Variants in PDE10A observed in about 807,000 individuals in gnomAD.
PDE10A encodes cAMP and cAMP-inhibited cGMP 3',5'-cyclic phosphodiesterase 10A.
PDE10A carries 39 observed loss-of-function variants against 97.7 expected under a neutral mutation model. That is an observed-to-expected ratio of 0.40 (90% CI 0.31 to 0.52). The LOEUF is 0.52. Among genes scored for constraint, PDE10A ranks in the 20% least tolerant of loss-of-function variants. The pLI is 0.56. For synonymous variants in PDE10A, 371 were observed against 376.8 expected (o/e 0.98, Z 0.18); for missense variants, 731 against 1,047.8 (o/e 0.70, Z 4.17).
In PDE10A at chr6:165,711,364, G is replaced by A. The variant is rs928423483; in HGVS notation, c.-614-167796C>T. Among the ~76,000 whole-genome samples, 2 of 152,162 alleles carry A rather than the reference G, an allele frequency of 1.3e-5. No individual in the cohort carries two copies. The highest frequency in any genetic ancestry group is 2.9e-5 in the Non-Finnish European group (2 of 68,038). ...TGCTAAAGGCAGCTGTGGTCTGGAT[G>A]CCGTGCTGCACGTGCAAACACAGGT... On this transcript the variant is annotated intron_variant, in intron 1 of 19. Coordinates refer to the PDE10A transcript ENST00000366882. The surrounding 1 kb of genome is among the most constrained non-coding windows in gnomAD (Gnocchi z 4.5).
At position 165,450,367 on chromosome 6, in the gene PDE10A, G is replaced by T; in HGVS notation, c.1024-5C>A. 1 of 1,488,476 alleles carries T rather than the reference G, an allele frequency of 6.7e-7. No homozygotes were observed. The highest frequency in any genetic ancestry group is 1.3e-5 in the South Asian group (1 of 77,022). 92.2% of individuals were successfully genotyped at this position (1,488,476 alleles called of 1,614,324 possible). ...CTGCATATTCGTATCTTGGTACTTT[G>T]GATTAAAAATAACAAAAATAAAAAC... On this transcript the variant is annotated splice_polypyrimidine_tract_variant and splice_region_variant and intron_variant, in intron 3 of 21. Transcript: ENST00000539869.
At chr6:165,751,197 G>C (rs1486747213) in intron 1 of PDE10A, among the ~76,000 whole-genome samples, 1 of 152,194 alleles carries the variant, frequency 6.6e-6, no homozygotes, top group Non-Finnish European at 1.5e-5. Context: ...TTTCCCACTG[G>C]CCTTCGGTGT....
At chr6:165,807,001 C>T (rs925884387) in intron 1 of PDE10A, among the ~76,000 whole-genome samples, 8 of 152,186 alleles carry the variant, frequency 5.3e-5, no homozygotes, top group African/African-American at 1.9e-4. Context: ...TGGCCAGAAA[C>T]AGGGGTAATG....
intron 2 of PDE10A, among the ~76,000 whole-genome samples, chr6:165,540,308 G>A (rs16897963): frequency 0.079 from 11,983 of 151,964 alleles, 531 homozygotes; most frequent in Middle Eastern, 0.11. Flanking sequence ...AATCAAATAC[G>A]GTCAGCGTTC....
At chr6:165,441,443 C>A (rs981185109) in intron 5 of PDE10A, among the ~76,000 whole-genome samples, 1 of 152,136 alleles carries the variant, frequency 6.6e-6, no homozygotes, top group Non-Finnish European at 1.5e-5. Flanking sequence ...AAACAAACAG[C>A]ATTTATGGTG....
intron 1 of PDE10A, among the ~76,000 whole-genome samples, chr6:165,708,308 G>C (rs2128445275): frequency 6.6e-6 from 1 of 152,104 alleles, no homozygotes; most frequent in East Asian, 1.9e-4. Flanking sequence ...CGTCACACCG[G>C]GCCTCCCCCA....
intron 1 of PDE10A, chr6:165,946,872 C>G (rs1376876554): frequency 1.3e-5 from 2 of 152,074 alleles, no homozygotes; most frequent in East Asian, 1.9e-4. Context: ...ACTTGCATAC[C>G]TAAAATGAAA....
Position 165,723,352 on chromosome 6 carries a change from T to C in PDE10A, c.-614-179784A>G, listed in dbSNP as rs564047036. Reference sequence around the variant, plus strand: ...TGCTTCCTCAGCCCTTTATTTTCTCTGTTGACTGGGAAGAGTGTTTGCCAT... The same window carrying C: ...TGCTTCCTCAGCCCTTTATTTTCTCCGTTGACTGGGAAGAGTGTTTGCCAT... On this transcript the variant is annotated intron_variant, in intron 1 of 19. Coordinates refer to the PDE10A transcript ENST00000366882. Among the ~76,000 whole-genome samples, 319 of 152,354 alleles carry C rather than the reference T, an allele frequency of 2.1e-3. 1 individual carries two copies. Among genetic ancestry groups the C allele is most frequent in the African/African-American group, 7.4e-3 (309 of 41,588 alleles).
chr6:165,409,855 T>TA (rs565161425), intron 13 of PDE10A, among the ~76,000 whole-genome samples: 1 of 150,976 alleles, frequency 6.6e-6, no homozygotes, highest in Non-Finnish European at 1.5e-5. Flanking sequence ...ATAATCAATG[T>TA]AAAAATGGAA....
intron 1 of PDE10A, among the ~76,000 whole-genome samples, chr6:165,611,860 G>A (rs779343092): frequency 2.6e-5 from 4 of 152,210 alleles, no homozygotes; most frequent in South Asian, 2.1e-4. Context: ...AGCCAGTGAA[G>A]CAATTTACCA....
In PDE10A at chr6:165,566,065, GAA is replaced by G. The variant is rs539181026; in HGVS notation, c.866-22499_866-22498del. ...CAACACAAAGACAAGATCCATGAAA[GAA>G]AGAATTGATAAGTTGTACTTCAGTA... is the stretch of plus-strand genomic sequence containing the variant. On this transcript the variant is annotated intron_variant, in intron 1 of 21. Coordinates refer to ENST00000539869, the MANE Select transcript of PDE10A (RefSeq NM_001385079.1). 3.0e-4 allele frequency among the ~76,000 whole-genome samples: 45 copies of G among 152,236 alleles called. 1 individual carries two copies. The East Asian group carries it at 8.5e-3, about 29-fold the overall frequency.
chr6:165,484,232 G>A (rs1241932886), intron 2 of PDE10A, among the ~76,000 whole-genome samples: 1 of 152,190 alleles, frequency 6.6e-6, no homozygotes, highest in African/African-American at 2.4e-5. Context: ...ATTTAAGCAT[G>A]TTGAAGACAG....
rs906520014 is a variant in PDE10A at position 165,655,189 on chromosome 6, C to T, written c.865+6758G>A. ...CCTCAGAGTCAAAATGTCACTGAGG[C>T]ATCTATATACTGTCCTTGGGGCATC... On this transcript the variant is annotated intron_variant, in intron 1 of 21. Coordinates refer to ENST00000539869, the MANE Select transcript of PDE10A (RefSeq NM_001385079.1). This position sits in a 1 kb window ranked among gnomAD's most constrained non-coding sequence, Gnocchi z 4.5. Among the ~76,000 whole-genome samples the T allele has an allele frequency of 2.1e-5, 2 of 97,154 alleles. No homozygotes were observed. The highest frequency in any genetic ancestry group is 8.6e-5 in the African/African-American group (2 of 23,390). The allele number at this position is 97,154 out of a possible 152,430, so 63.7% of individuals were successfully genotyped here.
At chr6:165,925,557 GACAA>G (rs1421732266) in intron 1 of PDE10A, among the ~76,000 whole-genome samples, 2 of 152,226 alleles carry the variant, frequency 1.3e-5, no homozygotes, top group African/African-American at 4.8e-5. Context: ...AGTACTCAGT[GACAA>G]ACACACAACT....
intron 1 of PDE10A, among the ~76,000 whole-genome samples, chr6:165,694,456 C>T (rs1419677280): frequency 6.6e-6 from 1 of 152,172 alleles, no homozygotes; most frequent in Non-Finnish European, 1.5e-5. Flanking sequence ...ACAAGCATGG[C>T]GTGGAATCCT....
intron 1 of PDE10A, among the ~76,000 whole-genome samples, chr6:165,927,911 G>C (rs1357235413): frequency 1.3e-5 from 2 of 150,394 alleles, no homozygotes; most frequent in Admixed American, 1.3e-4. Context: ...TGGCCAGGCT[G>C]GTCTCTAACT....
chr6:165,691,585 G>A (rs201400709), intron 1 of PDE10A, among the ~76,000 whole-genome samples: 14 of 126,314 alleles, frequency 1.1e-4, no homozygotes, highest in South Asian at 2.6e-4. Flanking sequence ...ACGCATGCAC[G>A]CGCGCGCACA....
Position 165,331,076 on chromosome 6 carries a change from C to A in PDE10A, c.*1949G>T, listed in dbSNP as rs1781310895. ...ATTTATATTTTTTCCTACATGTTTG[C>A]TTCTCTCTTCCTCTCTTTCCTTCTG... On this transcript the variant is annotated 3_prime_UTR_variant, in exon 22 of 22. Transcript: ENST00000539869. The A allele has an allele frequency of 6.6e-6, 1 of 152,060 alleles. No individual in the cohort carries two copies. Among genetic ancestry groups the A allele is most frequent in the Non-Finnish European group, 1.5e-5 (1 of 67,966 alleles). 9.4% of individuals were successfully genotyped at this position (152,060 alleles called of 1,614,324 possible). A position where few individuals can be genotyped will look rare whatever the true frequency, so the allele number is the denominator to read the frequency against.
chr6:165,474,896 AAG>A (rs545786246), intron 3 of PDE10A, among the ~76,000 whole-genome samples: 1 of 152,192 alleles, frequency 6.6e-6, no homozygotes, highest in Non-Finnish European at 1.5e-5. Context: ...AGAAAAAAGC[AAG>A]AGAGAGAGAA....
Sources: allele counts gnomAD v4.1 joint callset (sites outside exome capture counted in the v4.1 genomes callset), GRCh38; gene constraint gnomAD v4.1.1; non-coding constraint Gnocchi (gnomAD v3.1); transcripts MANE v1.5; gene names NCBI Gene and HGNC (gene_info 2026-07-23, HGNC 2026-07-21).